Variants in CMIP observed in about 807,000 individuals in gnomAD.
The protein encoded by CMIP is C-Maf-inducing protein.
Under a neutral mutation model 97.3 loss-of-function variants are expected in CMIP, and 13 were observed. The observed-to-expected ratio is 0.13, with a 90% confidence interval of 0.09 to 0.21. The LOEUF (loss-of-function observed/expected upper bound fraction) is 0.21. Ranked by LOEUF, CMIP falls within the 10% of genes least tolerant of loss-of-function variation. The pLI is 1.00. For missense variants in CMIP, 847 were observed against 1,024.9 expected (o/e 0.83, Z 2.37); for synonymous variants, 538 against 436.3 (o/e 1.23, Z -2.91).
chr16:81,631,381 T>G (rs905037775), intron 3 of CMIP: 3 of 152,262 alleles, frequency 2.0e-5, no homozygotes, highest in Admixed American at 6.5e-5. Flanking sequence ...GCTGCCACTT[T>G]GCCCAGCTGG....
intron 9 of CMIP, among the ~76,000 whole-genome samples, chr16:81,673,912 G>T (rs1016285371): frequency 6.6e-6 from 1 of 152,160 alleles, no homozygotes; most frequent in Non-Finnish European, 1.5e-5. Flanking sequence ...ACAGCAGGAG[G>T]GTATTTCAGT....
In CMIP at chr16:81,678,632, AGTGCCCCCCCCGC is replaced by A. The variant is rs1007266874; in HGVS notation, c.1388+11_1388+23del. The A allele has an allele frequency of 3.4e-6, 5 of 1,462,190 alleles. No homozygotes were observed. Among genetic ancestry groups the A allele is most frequent in the African/African-American group, 3.0e-5 (2 of 67,420 alleles). The allele number at this position is 1,462,190 out of a possible 1,614,324, so 90.6% of individuals were successfully genotyped here. ...ACGTGGAAATCCTCAAGCTGCTGTG[AGTGCCCCCCCCGC>A]GTGCCCGCCCCCGGGGCCGGTGGGA... On this transcript the variant is annotated splice_donor_5th_base_variant and intron_variant, in intron 10 of 20. Coordinates refer to ENST00000537098, the MANE Select transcript of CMIP (RefSeq NM_198390.3).
At chr16:81,486,098 T>G (rs1302519150) in intron 1 of CMIP, among the ~76,000 whole-genome samples, 1 of 152,250 alleles carries the variant, frequency 6.6e-6, no homozygotes, top group East Asian at 1.9e-4. Context: ...CACTCTGTTC[T>G]TGGCGTGTTG....
intron 16 of CMIP, among the ~76,000 whole-genome samples, chr16:81,702,103 C>T (rs1020188179): frequency 3.3e-5 from 5 of 152,206 alleles, no homozygotes; most frequent in African/African-American, 1.2e-4. Flanking sequence ...TGCCAGCACC[C>T]ACACCTCTTT....
rs1269317141 is a variant in CMIP, at chr16:81,445,555, C to T, written c.300+14C>T. 2.6e-6 allele frequency: 4 copies of T among 1,533,734 alleles called. No individual in the cohort carries two copies. Among genetic ancestry groups the T allele is most frequent in the Non-Finnish European group, 8.8e-7 (1 of 1,141,226 alleles). On this transcript the variant is annotated intron_variant, in intron 1 of 20. Coordinates refer to ENST00000537098, the MANE Select transcript of CMIP (RefSeq NM_198390.3). ...GCGTCCGCCACGGTGAGTGGCTCTG[C>T]GCGGCTGCACCCCCGCCTCTCCTCG...
intron 5 of CMIP, 138 bp from the exon 6 acceptor site, chr16:81,660,746 T>TA (rs1321906661): frequency 2.1e-6 from 2 of 933,856 alleles, no homozygotes; most frequent in African/African-American, 3.3e-5. Flanking sequence ...TTTTTCTGCT[T>TA]TTAATATGAA....
intron 1 of CMIP, among the ~76,000 whole-genome samples, chr16:81,562,645 A>C (rs1171180487): frequency 1.4e-4 from 22 of 152,214 alleles, no homozygotes; most frequent in Admixed American, 1.4e-3. Flanking sequence ...AGATGGGTGC[A>C]TTACACATTT....
chr16:81,480,531 CTG>C (rs1420343044), intron 1 of CMIP, among the ~76,000 whole-genome samples: 1 of 152,178 alleles, frequency 6.6e-6, no homozygotes, highest in African/African-American at 2.4e-5. Context: ...CAGAGTGAGA[CTG>C]TATCAAAAAA....
chr16:81,557,720 G>A (rs893345659), intron 1 of CMIP, among the ~76,000 whole-genome samples: 5 of 152,190 alleles, frequency 3.3e-5, no homozygotes, highest in African/African-American at 9.7e-5. Context: ...GAGCTATGAT[G>A]TTGCTACTCC....
chr16:81,458,981 G>T (rs575786270), intron 1 of CMIP, among the ~76,000 whole-genome samples: 12 of 151,980 alleles, frequency 7.9e-5, no homozygotes, highest in African/African-American at 2.9e-4. Flanking sequence ...TGTCATCTCC[G>T]CTGTCACCAT....
chr16:81,595,652 G>A (rs2091543286), intron 1 of CMIP, among the ~76,000 whole-genome samples: 1 of 152,128 alleles, frequency 6.6e-6, no homozygotes, highest in African/African-American at 2.4e-5. Flanking sequence ...GCTTCCCAAA[G>A]TGCCAGGATT....
chr16:81,679,666 T>C (rs1904668359), intron 10 of CMIP, among the ~76,000 whole-genome samples: 2 of 152,014 alleles, frequency 1.3e-5, no homozygotes, highest in African/African-American at 2.4e-5. Context: ...CTCTGGGTGG[T>C]GTGGCTTCTG....
intron 1 of CMIP, among the ~76,000 whole-genome samples, chr16:81,475,821 T>A (rs566024802): frequency 2.0e-5 from 3 of 152,010 alleles, no homozygotes; most frequent in Admixed American, 1.3e-4. Context: ...CTGTCTCTAC[T>A]AAAAATACAA....
chr16:81,575,951 G>A (rs925953469), intron 1 of CMIP, among the ~76,000 whole-genome samples: 1 of 152,162 alleles, frequency 6.6e-6, no homozygotes, highest in Non-Finnish European at 1.5e-5. Flanking sequence ...AATAAGAGTA[G>A]TTCTTATAAA....
intron 1 of CMIP, among the ~76,000 whole-genome samples, chr16:81,592,153 A>G (rs2091476079): frequency 2.0e-5 from 3 of 152,042 alleles, no homozygotes; most frequent in African/African-American, 7.2e-5. Flanking sequence ...TTACTTTTTT[A>G]TGCACCTTAC....
intron 1 of CMIP, among the ~76,000 whole-genome samples, chr16:81,459,875 C>A (rs1000299456): frequency 1.3e-5 from 2 of 152,214 alleles, no homozygotes; most frequent in African/African-American, 4.8e-5. Flanking sequence ...TAGGAGGTGG[C>A]CTTGTCAGAT....
At chr16:81,485,225 A>C (rs2089297054) in intron 1 of CMIP, among the ~76,000 whole-genome samples, 1 of 152,218 alleles carries the variant, frequency 6.6e-6, no homozygotes, top group Non-Finnish European at 1.5e-5. Context: ...AGTTGTTCCT[A>C]AATTTTCCTA....
intron 1 of CMIP, among the ~76,000 whole-genome samples, chr16:81,492,274 G>T (rs554073535): frequency 6.6e-6 from 1 of 152,112 alleles, no homozygotes; most frequent in South Asian, 2.1e-4. Flanking sequence ...GTCCTCTCCG[G>T]GTGTCATTGT....
intron 17 of CMIP, among the ~76,000 whole-genome samples, chr16:81,703,567 G>A (rs1907661624): frequency 1.3e-5 from 2 of 151,424 alleles, no homozygotes; most frequent in South Asian, 4.2e-4. Context: ...ACACAAACGT[G>A]CACACAGACA....
Sources: allele counts gnomAD v4.1 joint callset (sites outside exome capture counted in the v4.1 genomes callset), GRCh38; gene constraint gnomAD v4.1.1; transcripts MANE v1.5; gene names NCBI Gene and HGNC (gene_info 2026-07-23, HGNC 2026-07-21).